Variants in EWSR1 observed in about 807,000 individuals in gnomAD.
The protein encoded by EWSR1 is EWS RNA binding protein 1, also known as RNA-binding protein EWS.
EWSR1 carries 14 observed loss-of-function variants against 92.1 expected under a neutral mutation model. The observed-to-expected ratio is 0.15, with a 90% CI of 0.10 to 0.24. The LOEUF is 0.24. Among genes scored for constraint, EWSR1 ranks in the 10% least tolerant of loss-of-function variants. The probability of loss-of-function intolerance (pLI) is 1.00; values close to 1 mark genes in which losing one functional copy is unlikely to be tolerated. For synonymous variants in EWSR1, 303 were observed against 292.9 expected, an observed-to-expected ratio of 1.03 and a Z score of -0.35; for missense variants, 637 against 870.9, an observed-to-expected ratio of 0.73 and a Z score of 3.38.
intron 5 of EWSR1, 40 bp downstream of exon 5, chr22:29,278,256 G>C: frequency 6.3e-7 from 1 of 1,588,356 alleles, no homozygotes; most frequent in Non-Finnish European, 8.6e-7. Flanking sequence ...TCTTATGTTG[G>C]AGGGAAAGAA....
In EWSR1 at chr22:29,296,034, C is replaced by T; in HGVS notation, c.1165-205C>T. The T allele has an allele frequency of 5.7e-6, 3 of 529,400 alleles. No individual in the cohort carries two copies. The South Asian group carries it at 6.5e-5, about 11-fold the overall frequency. 32.8% of individuals were successfully genotyped at this position (529,400 alleles called of 1,614,324 possible). A position where few individuals can be genotyped will look rare whatever the true frequency, so the allele number is the denominator to read the frequency against. Reference sequence around the variant, plus strand: ...GGGGCCTATCCTGTTCACTTCCACACTTTGGTCTACTTTGGTTTTTATGAT... The same window carrying T: ...GGGGCCTATCCTGTTCACTTCCACATTTTGGTCTACTTTGGTTTTTATGAT... On this transcript the variant is annotated intron_variant, in intron 11 of 16. Transcript: ENST00000397938.
chr22:29,292,254 C>CTTA, intron 10 of EWSR1, 85 bp downstream of exon 10: 1 of 1,311,718 alleles, frequency 7.6e-7, no homozygotes, highest in Middle Eastern at 1.8e-4. Flanking sequence ...GTTCAGCAGC[C>CTTA]TTATAGACCA....
chr22:29,285,361 A>T (rs2059947789), intron 6 of EWSR1, among the ~76,000 whole-genome samples: 1 of 150,886 alleles, frequency 6.6e-6, no homozygotes, highest in South Asian at 2.1e-4. Context: ...ACCTCAGGTG[A>T]TCCACCTGCC....
At chr22:29,270,086 A>T (rs2058545944) in intron 1 of EWSR1, among the ~76,000 whole-genome samples, 1 of 152,232 alleles carries the variant, frequency 6.6e-6, no homozygotes, top group African/African-American at 2.4e-5. Context: ...ACCTTCCAGC[A>T]TAAGCATTCC....
Position 29,300,218 on chromosome 22 carries a change from A to G in EWSR1, c.*57A>G. ...CCAGATTTATTTTTTAAACCAGAAAATGTTTTAAATTTATAATTCCATATT... is the reference window on the plus strand; with the variant it reads ...CCAGATTTATTTTTTAAACCAGAAAGTGTTTTAAATTTATAATTCCATATT... On this transcript the variant is annotated 3_prime_UTR_variant, in exon 17 of 17. Transcript: ENST00000397938. 6.7e-7 allele frequency: 1 copy of G among 1,496,284 alleles called. No individual in the cohort carries two copies. Among genetic ancestry groups the G allele is most frequent in the Non-Finnish European group, 9.3e-7 (1 of 1,079,396 alleles). 92.7% of individuals were successfully genotyped at this position (1,496,284 alleles called of 1,614,324 possible). A position where few individuals can be genotyped will look rare whatever the true frequency, so the allele number is the denominator to read the frequency against.
rs747572749 is a variant in EWSR1 at position 29,288,674 on chromosome 22, C to T, written c.862C>T (p.Pro288Ser). Residue 288 changes from proline (P) to serine (S), a missense_variant, in exon 8 of 17, where the codon CCA becomes TCA. Pro to Ser is a moderately conservative substitution (Grantham distance 74). Coordinates refer to ENST00000397938, the MANE Select transcript of EWSR1 (RefSeq NM_005243.4). ...GCAGGAGTCTGGAGGATTTTCCGGA[C>T]CAGGAGAGAACCGGAGCATGAGTGG... The part of the protein sequence containing the change: ...YGQESGGFSG[P>S]GENRSMSGPD... 5 of 1,613,812 alleles carry T rather than the reference C, an allele frequency of 3.1e-6. No homozygotes were observed. In the South Asian group the frequency reaches 4.4e-5, roughly 14 times the overall value.
chr22:29,277,863 A>G (rs965394165), intron 4 of EWSR1, 167 bp from the exon 5 acceptor site: 1 of 603,442 alleles, frequency 1.7e-6, no homozygotes, highest in South Asian at 2.4e-5. Context: ...CAGAGAACTT[A>G]GGCTTTAAAT....
chr22:29,276,580 G>A (rs1486174288), intron 4 of EWSR1: 2 of 226,466 alleles, frequency 8.8e-6, no homozygotes, highest in Non-Finnish European at 1.8e-5. Context: ...GGGCAGTCTT[G>A]ATTCAGGATT....
chr22:29,268,758 C>T (rs922519544), intron 1 of EWSR1, among the ~76,000 whole-genome samples: 1 of 152,236 alleles, frequency 6.6e-6, no homozygotes, highest in Non-Finnish European at 1.5e-5. Context: ...GGCTGCTGTC[C>T]CTGTGAGGCC....
At chr22:29,290,642 T>C in intron 8 of EWSR1, 1 of 1,419,222 alleles carries the variant, frequency 7.0e-7, no homozygotes, top group Non-Finnish European at 9.2e-7. Flanking sequence ...GGTATAATAC[T>C]CTAGAATTGT....
At chr22:29,292,762 C>CTTTTTTTTT (rs34395867) in intron 11 of EWSR1, among the ~76,000 whole-genome samples, 156 bp downstream of exon 11, 1 of 100,844 alleles carries the variant, frequency 9.9e-6, no homozygotes, top group African/African-American at 4.0e-5. Context: ...AAAGATTAGC[C>CTTTTTTTTT]TTTTTTTTTT....
At chr22:29,288,585 C>A (rs1295310269) in intron 7 of EWSR1, 21 bp from the exon 8 acceptor site, 2 of 1,596,730 alleles carry the variant, frequency 1.3e-6, no homozygotes, top group African/African-American at 2.7e-5. Flanking sequence ...CCATGGCTTA[C>A]AGATGTGACT....
At chr22:29,298,592 T>C in intron 13 of EWSR1, 141 bp from the exon 14 acceptor site, 1 of 1,011,070 alleles carries the variant, frequency 9.9e-7, no homozygotes, top group Non-Finnish European at 1.5e-6. Flanking sequence ...GCTGATGGCC[T>C]GAGCCACACG....
Position 29,275,950 on chromosome 22 carries a change from A to G in EWSR1, c.227-2080A>G, listed in dbSNP as rs1407208333. ...TTGTTTTTTTGTTTTTTTTTTGGTC[A>G]TTAAATCATTTTGCTCTGTTGATTT... On this transcript the variant is annotated intron_variant, in intron 4 of 16. Transcript: ENST00000397938. 1.8e-5 allele frequency: 4 copies of G among 224,296 alleles called. No homozygotes were observed. In the East Asian group the frequency reaches 2.5e-4, roughly 14 times the overall value. The allele number at this position is 224,296 out of a possible 1,614,324, so 13.9% of individuals were successfully genotyped here.
chr22:29,282,568 T>C lies in EWSR1; in HGVS notation c.581+11T>C. On this transcript the variant is annotated intron_variant, in intron 6 of 16. Transcript: ENST00000397938. ...CTACCCTCCTACCAGGTCAGTCTAC[T>C]TTTTGTGGCAAAACAAAAACAGTGA... 10 of 1,496,396 alleles carry C rather than the reference T, an allele frequency of 6.7e-6. No homozygotes were observed. Among genetic ancestry groups the C allele is most frequent in the South Asian group, 1.4e-5 (1 of 72,514 alleles). 92.7% of individuals were successfully genotyped at this position (1,496,396 alleles called of 1,614,324 possible).
chr22:29,270,545 A>G (rs1019832018), intron 1 of EWSR1, among the ~76,000 whole-genome samples: 1 of 152,230 alleles, frequency 6.6e-6, no homozygotes, highest in Non-Finnish European at 1.5e-5. Context: ...GCTACCTTCT[A>G]TAGCCCACCA....
chr22:29,270,105 G>A (rs1394115716), intron 1 of EWSR1, among the ~76,000 whole-genome samples: 1 of 152,102 alleles, frequency 6.6e-6, no homozygotes, highest in African/African-American at 2.4e-5. Flanking sequence ...CCACAAATTT[G>A]TCCTATGCTG....
chr22:29,278,238 T>C (rs2059269663), intron 5 of EWSR1, 22 bp downstream of exon 5: 1 of 1,608,848 alleles, frequency 6.2e-7, no homozygotes, highest in African/African-American at 1.3e-5. Context: ...GTGTCCTTAA[T>C]GCGTCAGTCT....
intron 1 of EWSR1, among the ~76,000 whole-genome samples, chr22:29,268,886 C>T (rs2058387631): frequency 6.6e-6 from 1 of 152,246 alleles, no homozygotes; most frequent in Non-Finnish European, 1.5e-5. Flanking sequence ...TCCTTAAGAC[C>T]CAGTCGGCTG....
Sources: gnomAD v4.1 joint callset for allele counts (sites outside exome capture counted in the v4.1 genomes callset) on GRCh38, gnomAD v4.1.1 for gene constraint, MANE v1.5 for transcripts, NCBI Gene and HGNC (gene_info 2026-07-23, HGNC 2026-07-21) for gene names.